PTPRD: variants seen among roughly 807,000 people sequenced by gnomAD.
The protein encoded by PTPRD is protein tyrosine phosphatase receptor type D, also known as receptor-type tyrosine-protein phosphatase delta.
PTPRD carries 34 observed loss-of-function variants against 214.5 expected under a neutral mutation model. The ratio of observed to expected loss-of-function variants is 0.16; its 90% CI spans 0.12 to 0.21. The LOEUF is 0.21. Ranked by LOEUF, PTPRD falls within the 10% of genes least tolerant of loss-of-function variation. The pLI, the probability that PTPRD is intolerant of heterozygous loss-of-function variation, is 1.00. For synonymous variants in PTPRD, 1,128 were observed against 845.7 expected, an observed-to-expected ratio of 1.33 and a Z score of -5.79; for missense variants, 2,545 against 2,398.7, an observed-to-expected ratio of 1.06 and a Z score of -1.27.
At chr9:8,755,296 G>A (rs12003828) in intron 11 of PTPRD, among the ~76,000 whole-genome samples, 11,592 of 151,456 alleles carry the variant, frequency 0.077, 1,263 homozygotes, top group African/African-American at 0.24. Context: ...TTGGGAGGCC[G>A]AGGTGGACGG....
At chr9:9,140,417 T>A (rs1272039594) in intron 10 of PTPRD, among the ~76,000 whole-genome samples, 1 of 152,008 alleles carries the variant, frequency 6.6e-6, no homozygotes, top group Non-Finnish European at 1.5e-5. Context: ...TAGAGAGAAA[T>A]ACTAAAGAAG....
intron 4 of PTPRD, among the ~76,000 whole-genome samples, chr9:9,946,556 C>G (rs1015707075): frequency 3.3e-5 from 5 of 151,804 alleles, no homozygotes; most frequent in African/African-American, 1.2e-4. Flanking sequence ...GACTTTTTGC[C>G]TGGATCTTAC....
chr9:9,060,024 T>C (rs891773679), intron 10 of PTPRD, among the ~76,000 whole-genome samples: 7 of 152,250 alleles, frequency 4.6e-5, no homozygotes, highest in Non-Finnish European at 1.0e-4. Context: ...TAAATTTTTG[T>C]TTGTTTGTAT....
rs36007156 is a variant in PTPRD at position 8,581,913 on chromosome 9, C to CAAAAAAAAAA, written c.352+51394_352+51403dup. Among the ~76,000 whole-genome samples the CAAAAAAAAAA allele has an allele frequency of 4.1e-3, 142 of 34,932 alleles. 2 individuals carry two copies. Among genetic ancestry groups the CAAAAAAAAAA allele is most frequent in the African/African-American group, 6.3e-3 (77 of 12,166 alleles). 22.9% of individuals were successfully genotyped at this position (34,932 alleles called of 152,430 possible). A position where few individuals can be genotyped will look rare whatever the true frequency, so the allele number is the denominator to read the frequency against. On this transcript the variant is annotated intron_variant, in intron 14 of 45. Coordinates refer to ENST00000381196, the MANE Select transcript of PTPRD (RefSeq NM_002839.4). ...GGATGACAGAGCATGACTCAATCTCCAAAAAAAAAAAAAAAAAAAAAAAAA... is the reference window on the plus strand; with the variant it reads ...GGATGACAGAGCATGACTCAATCTCCAAAAAAAAAAAAAAAAAAAAAAAAAAAAAAAAAAA...
At position 9,638,240 on chromosome 9, in the gene PTPRD, T is replaced by C. The variant is rs577460411; in HGVS notation, c.-286-63459A>G. ...TTTAATTATGAATTGCATCTTGAAA[T>C]CATTTCTCTCTTTTCACATTTTACT... On this transcript the variant is annotated intron_variant, in intron 7 of 45. Coordinates refer to ENST00000381196, the MANE Select transcript of PTPRD (RefSeq NM_002839.4). 3.3e-5 allele frequency among the ~76,000 whole-genome samples: 5 copies of C among 152,228 alleles called. No individual in the cohort carries two copies. The South Asian group carries it at 1.0e-3, about 32-fold the overall frequency.
chr9:9,989,620 A>G (rs2095844048), intron 4 of PTPRD, among the ~76,000 whole-genome samples: 1 of 151,922 alleles, frequency 6.6e-6, no homozygotes, highest in Admixed American at 6.6e-5. Context: ...ATTTTTTCAC[A>G]CGACCTCATT....
chr9:8,740,846 G>C (rs1440830350), intron 11 of PTPRD, among the ~76,000 whole-genome samples: 1 of 152,062 alleles, frequency 6.6e-6, no homozygotes, highest in Admixed American at 6.6e-5. Flanking sequence ...TTAATATGAA[G>C]ACCCCAGGGG....
At chr9:10,204,381 T>C (rs545582042) in intron 3 of PTPRD, among the ~76,000 whole-genome samples, 1 of 152,244 alleles carries the variant, frequency 6.6e-6, no homozygotes, top group South Asian at 2.1e-4. Flanking sequence ...TGAAAAATCC[T>C]CTAAATACAT....
chr9:8,436,558 G>A (rs748753534), intron 35 of PTPRD, 34 bp downstream of exon 35: 10 of 1,500,712 alleles, frequency 6.7e-6, no homozygotes, highest in African/African-American at 1.4e-5. Flanking sequence ...AGTAACTCTT[G>A]AAATTACTGT....
chr9:9,387,051 G>A lies in PTPRD; in HGVS notation c.-203+10398C>T, dbSNP rs559190644. Among the ~76,000 whole-genome samples, 251 of 152,298 alleles carry A rather than the reference G, an allele frequency of 1.6e-3. 1 individual carries two copies. Among genetic ancestry groups the A allele is most frequent in the Middle Eastern group, 0.01 (3 of 294 alleles). ...ACTTTGATGTGAGTGCAGGTGCTAA[G>A]GTTGATTATTTGTTCTTTCCTTTGT... On this transcript the variant is annotated intron_variant, in intron 9 of 45. Transcript: ENST00000381196.
intron 2 of PTPRD, among the ~76,000 whole-genome samples, chr9:10,482,172 C>T (rs184596322): frequency 8.6e-5 from 13 of 151,972 alleles, no homozygotes; most frequent in East Asian, 1.9e-4. Flanking sequence ...GAGATTGAGA[C>T]CAGCCCGGCT....
chr9:8,508,222 C>T (rs530122205), intron 21 of PTPRD, among the ~76,000 whole-genome samples: 1 of 152,174 alleles, frequency 6.6e-6, no homozygotes, highest in East Asian at 1.9e-4. Context: ...ATCTATTCAA[C>T]AGACAATTTG....
At chr9:10,477,034 A>G (rs561715064) in intron 2 of PTPRD, among the ~76,000 whole-genome samples, 67 of 152,334 alleles carry the variant, frequency 4.4e-4, no homozygotes, top group African/African-American at 1.5e-3. Context: ...AAACCGTAGA[A>G]GGAAACCTAG....
At chr9:9,592,175 A>T (rs544659342) in intron 7 of PTPRD, among the ~76,000 whole-genome samples, 2 of 152,214 alleles carry the variant, frequency 1.3e-5, no homozygotes, top group South Asian at 4.1e-4. Context: ...TTTCTTCACT[A>T]ATTTAAAATA....
intron 9 of PTPRD, among the ~76,000 whole-genome samples, chr9:9,227,964 A>C (rs1451009258): frequency 6.6e-6 from 1 of 152,144 alleles, no homozygotes; most frequent in Non-Finnish European, 1.5e-5. Context: ...TTTGTTATTC[A>C]GTGATAGATA....
At chr9:9,616,362 C>T (rs73641338) in intron 7 of PTPRD, among the ~76,000 whole-genome samples, 3,202 of 152,174 alleles carry the variant, frequency 0.021, 104 homozygotes, top group African/African-American at 0.073. Flanking sequence ...TTCTCCTTTG[C>T]CTGTTACTGT....
intron 5 of PTPRD, among the ~76,000 whole-genome samples, chr9:9,783,808 T>G (rs1052665420): frequency 2.2e-5 from 3 of 138,270 alleles, no homozygotes; most frequent in Non-Finnish European, 4.6e-5. Context: ...TCTGTTTTTC[T>G]CTCCTGCTTC....
intron 9 of PTPRD, among the ~76,000 whole-genome samples, chr9:9,197,612 T>C (rs1399521411): frequency 6.6e-6 from 1 of 152,124 alleles, no homozygotes; most frequent in Non-Finnish European, 1.5e-5. Context: ...AGTTTCACCA[T>C]GTTGGCCAGG....
intron 14 of PTPRD, among the ~76,000 whole-genome samples, chr9:8,575,664 G>A (rs2092234449): frequency 6.6e-6 from 1 of 152,116 alleles, no homozygotes; most frequent in South Asian, 2.1e-4. Context: ...CCATTACAAT[G>A]TCAGAAAAAC....
Sources: allele counts gnomAD v4.1 joint callset (sites outside exome capture counted in the v4.1 genomes callset), GRCh38; gene constraint gnomAD v4.1.1; transcripts MANE v1.5; gene names NCBI Gene and HGNC (gene_info 2026-07-23, HGNC 2026-07-21).